The following WAPL variants were observed in gnomAD, a reference collection of about 807,000 sequenced individuals.
WAPL encodes WAPL cohesin release factor.
In WAPL, 5 loss-of-function variants were observed where a neutral mutation model predicts 121.0. The observed-to-expected ratio is 0.04, with a 90% CI of 0.02 to 0.09. The LOEUF is 0.09. Ranked by LOEUF, WAPL falls within the 10% of genes least tolerant of loss-of-function variation. The pLI, the probability that WAPL is intolerant of heterozygous loss-of-function variation, is 1.00. For missense variants in WAPL, 999 were observed against 1,410.8 expected, an observed-to-expected ratio of 0.71 and a Z score of 4.68; for synonymous variants, 480 against 481.5, an observed-to-expected ratio of 1.00 and a Z score of 0.04.
At chr10:86,474,131 T>C (rs899998327) in intron 4 of WAPL, among the ~76,000 whole-genome samples, 158 bp from the exon 5 acceptor site, 1 of 152,224 alleles carries the variant, frequency 6.6e-6, no homozygotes. Flanking sequence ...CTCATGTCTA[T>C]GGCAAATATA....
rs1164778304 is a variant in WAPL, at chr10:86,452,049, A to G, written c.3032T>C (p.Phe1011Ser). The stretch of plus-strand genomic sequence containing the variant: ...TTCTCCACTACAGATGGAAGAATCA[A>G]AAGAGCACGATGTTTCCATGTTGAC... ...CLVNMETSCS[F>S]DSSICSGEGD... The change falls in exon 15 of 19, where the codon TTT (phenylalanine) becomes TCT (serine). Residue 1011 changes from phenylalanine to serine, a missense_variant. By Grantham distance (155) the Phe-to-Ser change is radical. Around this residue, in one of 7 missense-constraint regions of WAPL, gnomAD observed 126 missense variants for 144.0 expected, o/e 0.87. Transcript: ENST00000298767. 1.2e-6 allele frequency: 2 copies of G among 1,614,060 alleles called. No individual in the cohort carries two copies. The highest frequency in any genetic ancestry group is 1.7e-6 in the Non-Finnish European group (2 of 1,180,048).
chr10:86,472,444 T>C lies in WAPL; in HGVS notation c.1894-100A>G. The C allele has an allele frequency of 1.3e-6, 2 of 1,513,414 alleles. No homozygotes were observed. The highest frequency in any genetic ancestry group is 1.8e-6 in the Non-Finnish European group (2 of 1,128,872). 93.7% of individuals were successfully genotyped at this position (1,513,414 alleles called of 1,614,324 possible). A position where few individuals can be genotyped will look rare whatever the true frequency, so the allele number is the denominator to read the frequency against. The stretch of plus-strand genomic sequence containing the variant: ...TACATAAGTGCATAAAATAGTTCAT[T>C]AGATGGCAACAAAAATATTTTTAGA... On this transcript the variant is annotated intron_variant, in intron 6 of 18. Transcript: ENST00000298767. The surrounding 1 kb of genome is among the most constrained non-coding windows in gnomAD (Gnocchi z 4.2).
chr10:86,446,020 T>C (rs1386698778), intron 16 of WAPL, among the ~76,000 whole-genome samples: 1 of 152,168 alleles, frequency 6.6e-6, no homozygotes, highest in Non-Finnish European at 1.5e-5. Flanking sequence ...GTGACTTAAC[T>C]GGATCTTTCC....
At chr10:86,474,357 T>TA (rs1000250721) in intron 4 of WAPL, among the ~76,000 whole-genome samples, 7 of 151,024 alleles carry the variant, frequency 4.6e-5, no homozygotes, top group East Asian at 2.0e-4. Flanking sequence ...CTACTAAAAA[T>TA]AAAAAAAATT....
intron 4 of WAPL, among the ~76,000 whole-genome samples, chr10:86,491,240 C>G (rs1404565350): frequency 6.8e-6 from 1 of 148,082 alleles, no homozygotes; most frequent in South Asian, 2.2e-4. Flanking sequence ...CCCGGGTTCG[C>G]GCCATTCTCC....
At chr10:86,450,549 T>C (rs912902817) in intron 15 of WAPL, among the ~76,000 whole-genome samples, 1 of 152,182 alleles carries the variant, frequency 6.6e-6, no homozygotes, top group Non-Finnish European at 1.5e-5. Flanking sequence ...AAATGCTTCA[T>C]TTAGCAGAAA....
At chr10:86,510,327 C>T (rs1313094068) in intron 2 of WAPL, among the ~76,000 whole-genome samples, 1 of 152,118 alleles carries the variant, frequency 6.6e-6, no homozygotes, top group African/African-American at 2.4e-5. Flanking sequence ...CCCGCCTTGC[C>T]TCCCAAAGTG....
intron 4 of WAPL, among the ~76,000 whole-genome samples, chr10:86,493,362 A>G (rs981021498): frequency 6.6e-6 from 1 of 152,038 alleles, no homozygotes. Flanking sequence ...GACTGTACAT[A>G]TACTTAATAT....
At chr10:86,471,401 T>C (rs991087607) in intron 7 of WAPL, among the ~76,000 whole-genome samples, 14 of 152,174 alleles carry the variant, frequency 9.2e-5, no homozygotes, top group African/African-American at 3.4e-4. Flanking sequence ...TTAATACTTC[T>C]GATAAAAATC....
chr10:86,450,526 T>A (rs1840951855), intron 15 of WAPL, among the ~76,000 whole-genome samples: 1 of 152,138 alleles, frequency 6.6e-6, no homozygotes, highest in African/African-American at 2.4e-5. Flanking sequence ...GTGAGCTACC[T>A]TGCCCGGCCA....
chr10:86,460,018 G>A, intron 11 of WAPL, among the ~76,000 whole-genome samples: 1 of 152,216 alleles, frequency 6.6e-6, no homozygotes. Context: ...AGAGGCTGAG[G>A]CATGAAATTG....
intron 16 of WAPL, among the ~76,000 whole-genome samples, chr10:86,445,013 A>C (rs1400931249): frequency 6.6e-6 from 1 of 151,954 alleles, no homozygotes; most frequent in Non-Finnish European, 1.5e-5. Context: ...GAGTAACAGG[A>C]GAAAAGGCTC....
At chr10:86,440,726 G>A (rs1380173348) in intron 17 of WAPL, among the ~76,000 whole-genome samples, 1 of 152,092 alleles carries the variant, frequency 6.6e-6, no homozygotes, top group African/African-American at 2.4e-5. Flanking sequence ...GGCCTCCAGA[G>A]CCACGATGAG....
At chr10:86,445,754 A>G (rs1422683830) in intron 16 of WAPL, among the ~76,000 whole-genome samples, 2 of 152,064 alleles carry the variant, frequency 1.3e-5, no homozygotes, top group African/African-American at 2.4e-5. Flanking sequence ...CCTAGCCTCA[A>G]GTAATCCTCC....
At chr10:86,503,319 A>G (rs1356540489) in intron 2 of WAPL, among the ~76,000 whole-genome samples, 1 of 152,186 alleles carries the variant, frequency 6.6e-6, no homozygotes. Context: ...AAATCTGTGC[A>G]AATGATACAA....
intron 2 of WAPL, among the ~76,000 whole-genome samples, chr10:86,515,516 C>G (rs1192228112): frequency 6.6e-6 from 1 of 152,086 alleles, no homozygotes; most frequent in Non-Finnish European, 1.5e-5. Flanking sequence ...GAAGCGATGG[C>G]TCACGCTTGC....
intron 4 of WAPL, among the ~76,000 whole-genome samples, chr10:86,495,454 G>C (rs550391565): frequency 6.6e-6 from 1 of 151,282 alleles, no homozygotes; most frequent in African/African-American, 2.4e-5. Context: ...GTGAGAGTGA[G>C]ACCATCTCAA....
intron 4 of WAPL, among the ~76,000 whole-genome samples, chr10:86,478,417 G>T (rs1778914096): frequency 6.6e-6 from 1 of 152,036 alleles, no homozygotes; most frequent in African/African-American, 2.4e-5. Flanking sequence ...GGGTGACAGA[G>T]CGAGATCCTG....
At chr10:86,466,052 A>G (rs566155021) in intron 9 of WAPL, among the ~76,000 whole-genome samples, 7 of 152,362 alleles carry the variant, frequency 4.6e-5, no homozygotes, top group African/African-American at 1.2e-4. Context: ...AAGCCAGAAG[A>G]AGGCAAAACT....
Sources: gnomAD v4.1 joint callset for allele counts (sites outside exome capture counted in the v4.1 genomes callset) on GRCh38, gnomAD v4.1.1 for gene constraint, gnomAD v4.1.1 regional missense constraint, Gnocchi (gnomAD v3.1) non-coding constraint, MANE v1.5 for transcripts, NCBI Gene and HGNC (gene_info 2026-07-23, HGNC 2026-07-21) for gene names.